The following RELL1 variants were observed in gnomAD, a reference collection of about 807,000 sequenced individuals.
The protein encoded by RELL1 is RELT like 1.
RELL1 carries 10 observed loss-of-function variants against 23.0 expected under a neutral mutation model. The observed-to-expected ratio is 0.43, with a 90% CI of 0.27 to 0.74. RELL1 has a LOEUF of 0.74. Ranked by LOEUF, RELL1 falls within the 30% of genes least tolerant of loss-of-function variation. RELL1 has a pLI of 0.19. For synonymous variants in RELL1, 146 were observed against 146.8 expected, an observed-to-expected ratio of 0.99 and a Z score of 0.04; for missense variants, 315 against 364.4, an observed-to-expected ratio of 0.86 and a Z score of 1.10.
intron 4 of RELL1, among the ~76,000 whole-genome samples, chr4:37,636,594 CA>C (rs11318273): frequency 0.25 from 21,381 of 86,670 alleles, 1,446 homozygotes; most frequent in East Asian, 0.33. Context: ...GACTCTGTCT[CA>C]AAAAAAAAAA....
intron 1 of RELL1, among the ~76,000 whole-genome samples, chr4:37,666,979 C>T (rs1176238273): frequency 3.3e-5 from 5 of 152,108 alleles, no homozygotes; most frequent in Non-Finnish European, 5.9e-5. Flanking sequence ...GGATCTGTCC[C>T]GGCTGAAGTC....
At chr4:37,674,111 A>C (rs182581588) in intron 1 of RELL1, among the ~76,000 whole-genome samples, 228 of 152,272 alleles carry the variant, frequency 1.5e-3, no homozygotes, top group African/African-American at 5.2e-3. Flanking sequence ...TTGATCCCAC[A>C]CAGCACTTTG....
At chr4:37,649,650 T>G (rs1233711234) in intron 1 of RELL1, 150 bp from the exon 2 acceptor site, 1 of 654,436 alleles carries the variant, frequency 1.5e-6, no homozygotes, top group African/African-American at 1.8e-5. Flanking sequence ...AGGCAAAAGA[T>G]AGCCCAGGTT....
At position 37,612,344 on chromosome 4, in the gene RELL1, AAAAAC is replaced by A. The variant is rs1324791433; in HGVS notation, c.*997_*1001del. Among the ~76,000 whole-genome samples the A allele has an allele frequency of 2.1e-4, 28 of 132,322 alleles. No individual in the cohort carries two copies. Among genetic ancestry groups the A allele is most frequent in the African/African-American group, 8.0e-4 (27 of 33,588 alleles). The allele number at this position is 132,322 out of a possible 152,430, so 86.8% of individuals were successfully genotyped here. Reference sequence around the variant, plus strand: ...GGTTAAAAAAAAAAAAAAAACAAAAAAAAACAAAAAACCGGGTGCAGTGGCCCACG... The same window carrying A: ...GGTTAAAAAAAAAAAAAAAACAAAAAAAAAAACCGGGTGCAGTGGCCCACG... On this transcript the variant is annotated 3_prime_UTR_variant, in exon 7 of 7. Transcript: ENST00000454158.
chr4:37,638,401 G>C, intron 4 of RELL1, 46 bp downstream of exon 4: 1 of 1,450,626 alleles, frequency 6.9e-7, no homozygotes, highest in South Asian at 1.2e-5. Context: ...ATCTGAGCAA[G>C]TAACTGAAAA....
chr4:37,615,031 C>A (rs191611684), intron 6 of RELL1, among the ~76,000 whole-genome samples: 2 of 152,252 alleles, frequency 1.3e-5, no homozygotes, highest in South Asian at 4.1e-4. Context: ...GCCGTGGAAC[C>A]GTGGCTGTTT....
intron 6 of RELL1, chr4:37,622,996 G>T (rs1273408612): frequency 2.2e-5 from 8 of 364,524 alleles, no homozygotes; most frequent in East Asian, 1.5e-4. Flanking sequence ...GTAGAGATGG[G>T]GTTTCACCGT....
chr4:37,600,882 A>G (rs974231068), intron 6 of RELL1, among the ~76,000 whole-genome samples: 8 of 152,056 alleles, frequency 5.3e-5, no homozygotes, highest in Non-Finnish European at 8.8e-5. Context: ...ATTTGGGTAT[A>G]ATGTTATGAT....
Position 37,610,858 on chromosome 4 carries a change from G to A in RELL1, c.*2488C>T, listed in dbSNP as rs1419543074. Reference sequence around the variant, plus strand: ...GGATTCCCTCATCCTTAGAAAGGAGGAGGAGTAACACAAGACCTGTAAACA... The same window carrying A: ...GGATTCCCTCATCCTTAGAAAGGAGAAGGAGTAACACAAGACCTGTAAACA... On this transcript the variant is annotated 3_prime_UTR_variant, in exon 7 of 7. Coordinates refer to ENST00000454158, the MANE Select transcript of RELL1 (RefSeq NM_001085400.2). This position sits in a 1 kb window ranked among gnomAD's most constrained non-coding sequence, Gnocchi z 4.1. Among the ~76,000 whole-genome samples, 1 of 152,158 alleles carries A rather than the reference G, an allele frequency of 6.6e-6. No individual in the cohort carries two copies. The highest frequency in any genetic ancestry group is 1.5e-5 in the Non-Finnish European group (1 of 68,036).
chr4:37,673,200 T>TTTTTC (rs1721901788), intron 1 of RELL1, among the ~76,000 whole-genome samples: 1 of 122,288 alleles, frequency 8.2e-6, no homozygotes, highest in Non-Finnish European at 1.7e-5. Flanking sequence ...TTTTTTTTTT[T>TTTTTC]TTTTTTTGAG....
At position 37,638,706 on chromosome 4, in the gene RELL1, T is replaced by C. The variant is rs74634846; in HGVS notation, c.386-202A>G. Among the ~76,000 whole-genome samples, 5,298 of 152,198 alleles carry C rather than the reference T, an allele frequency of 0.035. 98 individuals carry two copies. The highest frequency in any genetic ancestry group is 0.054 in the Non-Finnish European group (3,650 of 68,000). The stretch of plus-strand genomic sequence containing the variant: ...TCAGTAACTTCCACCCCACAGGAAC[T>C]TAGTAAGAATGACAAAGAATCTATG... On this transcript the variant is annotated intron_variant, in intron 3 of 6. Coordinates refer to ENST00000454158, the MANE Select transcript of RELL1 (RefSeq NM_001085400.2).
chr4:37,590,230 C>T (rs755402143), downstream of RELL1: 2 of 1,614,102 alleles, frequency 1.2e-6, no homozygotes, highest in Non-Finnish European at 1.7e-6. Context: ...CCCTCAGAGG[C>T]AGGGCTCAAA....
intron 5 of RELL1, 113 bp downstream of exon 5, chr4:37,634,774 T>C (rs1720260564): frequency 2.1e-6 from 2 of 932,104 alleles, no homozygotes; most frequent in Non-Finnish European, 3.5e-6. Flanking sequence ...AGCCCAGAGA[T>C]ATAACCTGAG....
At chr4:37,662,847 G>A (rs528337108) in intron 1 of RELL1, among the ~76,000 whole-genome samples, 1 of 151,380 alleles carries the variant, frequency 6.6e-6, no homozygotes, top group Non-Finnish European at 1.5e-5. Context: ...CCGGTGTCTT[G>A]AGAGGCCAAG....
intron 1 of RELL1, among the ~76,000 whole-genome samples, chr4:37,684,226 G>A (rs977137013): frequency 6.6e-6 from 1 of 152,170 alleles, no homozygotes; most frequent in African/African-American, 2.4e-5. Flanking sequence ...TTGGTTGCAA[G>A]GGGATCAGAT....
chr4:37,610,476 G>A (rs1719339541), downstream of RELL1, among the ~76,000 whole-genome samples: 1 of 151,986 alleles, frequency 6.6e-6, no homozygotes, highest in South Asian at 2.1e-4. This position sits in a 1 kb window ranked among gnomAD's most constrained non-coding sequence, Gnocchi z 4.1. Context: ...ACTGCAGGAG[G>A]GGAAATCTCA....
chr4:37,589,456 A>ATT (rs765630252), downstream of RELL1, among the ~76,000 whole-genome samples: 49 of 152,214 alleles, frequency 3.2e-4, no homozygotes, highest in Non-Finnish European at 6.2e-4. Context: ...CTTCATATTT[A>ATT]TCATTTTAGT....
chr4:37,662,568 A>T (rs1264971597), intron 1 of RELL1, among the ~76,000 whole-genome samples: 1 of 139,406 alleles, frequency 7.2e-6, no homozygotes, highest in Non-Finnish European at 1.5e-5. Flanking sequence ...GTCAATATAA[A>T]GAAACATCTT....
intron 1 of RELL1, among the ~76,000 whole-genome samples, chr4:37,669,182 G>C (rs1577604740): frequency 6.5e-4 from 1 of 1,536 alleles, no homozygotes; most frequent in South Asian, 0.023. Context: ...GGAGGGAGGT[G>C]GGGGGGGGGG....
Sources: allele counts gnomAD v4.1 joint callset (sites outside exome capture counted in the v4.1 genomes callset), GRCh38; gene constraint gnomAD v4.1.1; non-coding constraint Gnocchi (gnomAD v3.1); transcripts MANE v1.5; gene names NCBI Gene and HGNC (gene_info 2026-07-23, HGNC 2026-07-21).